Variants in COL10A1 observed in about 807,000 individuals in gnomAD.
The protein encoded by COL10A1 is collagen type X alpha 1 chain.
Under a neutral mutation model 18.2 loss-of-function variants are expected in COL10A1, and 10 were observed. That is an observed-to-expected ratio of 0.55 (90% CI 0.34 to 0.93). The LOEUF is 0.93. Ranked by LOEUF, COL10A1 falls within the 40% of genes least tolerant of loss-of-function variation. COL10A1 has a pLI of 0.02. For missense variants in COL10A1, 897 were observed against 853.5 expected (o/e 1.05, Z -0.64); for synonymous variants, 330 against 316.6 (o/e 1.04, Z -0.45).
At position 116,121,121 on chromosome 6, in the gene COL10A1, C is replaced by A. The variant is rs1301597846; in HGVS notation, c.995G>T (p.Gly332Val). 5 of 1,613,614 alleles carry A rather than the reference C, an allele frequency of 3.1e-6. 1 individual carries two copies. In the South Asian group the frequency reaches 5.5e-5, roughly 18 times the overall value. Reference sequence around the variant, plus strand: ...AGGGGGTCCAGTCAGACCTGGCTTCCCAGGAAGACCTGCTGGCCCTTGTTC... The same window carrying A: ...AGGGGGTCCAGTCAGACCTGGCTTCACAGGAAGACCTGCTGGCCCTTGTTC... ...KGEQGPAGLP[G>V]KPGLTGPPGN... The change falls in exon 3 of 3, where the codon GGG becomes GTG. Residue 332 changes from glycine (G) to valine (V), a missense_variant. Physicochemically the swap from Gly to Val is moderately radical, Grantham distance 109. Coordinates refer to ENST00000651968, the MANE Select transcript of COL10A1 (RefSeq NM_000493.4).
chr6:116,182,222 A>AGTGTGTGTGTGT, the COL10A1 span, among the ~76,000 whole-genome samples: 3,052 of 124,616 alleles, frequency 0.024, 107 homozygotes, highest in African/African-American at 0.083. Context: ...TTCCATGGAG[A>AGTGTGTGTGTGT]GTGTGTGTGT....
At chr6:116,151,536 A>G (rs1354724080) in intron 1 of COL10A1, among the ~76,000 whole-genome samples, 1 of 152,228 alleles carries the variant, frequency 6.6e-6, no homozygotes, top group Non-Finnish European at 1.5e-5. Context: ...ATTCGTTAAT[A>G]TAAGACTATT....
chr6:116,159,917 T>G (rs1190470270), upstream of COL10A1, among the ~76,000 whole-genome samples: 1 of 152,202 alleles, frequency 6.6e-6, no homozygotes, highest in Non-Finnish European at 1.5e-5. Context: ...CCTCCAGCTC[T>G]ATCCATGTTG....
the COL10A1 span, among the ~76,000 whole-genome samples, chr6:116,213,862 G>A: frequency 6.6e-6 from 1 of 151,940 alleles, no homozygotes; most frequent in African/African-American, 2.4e-5. Context: ...TTCTTATTGG[G>A]GATTTTGTGC....
chr6:116,137,751 A>G (rs976091115), intron 1 of COL10A1, among the ~76,000 whole-genome samples: 2 of 152,302 alleles, frequency 1.3e-5, no homozygotes, highest in South Asian at 4.2e-4. Flanking sequence ...TATATGGAAA[A>G]CCAGTTATCT....
the COL10A1 span, among the ~76,000 whole-genome samples, chr6:116,203,810 A>C: frequency 5.9e-5 from 9 of 151,942 alleles, no homozygotes; most frequent in Admixed American, 2.6e-4. Flanking sequence ...AATTTTTCAA[A>C]GTACTTGCAC....
chr6:116,134,971 A>G lies in COL10A1; in HGVS notation c.-15-9464T>C, dbSNP rs539882135. Among the ~76,000 whole-genome samples, 4 of 152,344 alleles carry G rather than the reference A, an allele frequency of 2.6e-5. No homozygotes were observed. The East Asian group carries it at 5.8e-4, about 22-fold the overall frequency. ...TTTAAATATCTCAGAAACCTGAACTATGAAGTTTCAGAGCAACAAATAACT... is the reference window on the plus strand; with the variant it reads ...TTTAAATATCTCAGAAACCTGAACTGTGAAGTTTCAGAGCAACAAATAACT... On this transcript the variant is annotated intron_variant, in intron 1 of 1. Coordinates refer to the COL10A1 transcript ENST00000418500.
At chr6:116,177,453 A>G in the COL10A1 span, among the ~76,000 whole-genome samples, 1 of 152,202 alleles carries the variant, frequency 6.6e-6, no homozygotes, top group Non-Finnish European at 1.5e-5. Flanking sequence ...CAAAATGGGT[A>G]AAAGTATATT....
At chr6:116,202,433 G>A in the COL10A1 span, among the ~76,000 whole-genome samples, 2 of 151,908 alleles carry the variant, frequency 1.3e-5, no homozygotes, top group African/African-American at 4.8e-5. Flanking sequence ...TTTTTTAGGG[G>A]AAACGAGGAA....
At chr6:116,175,879 T>C in the COL10A1 span, among the ~76,000 whole-genome samples, 2 of 152,220 alleles carry the variant, frequency 1.3e-5, no homozygotes, top group African/African-American at 2.4e-5. Flanking sequence ...TGTCTGATAA[T>C]TCCAATGTAT....
Position 116,119,483 on chromosome 6 carries a change from G to A in COL10A1, c.*590C>T, listed in dbSNP as rs1443596373. ...CTTTTTTATATAAGAGCTTTAACAA[G>A]TATATATGCACCTGTATATTTGAAT... On this transcript the variant is annotated 3_prime_UTR_variant, in exon 3 of 3. Transcript: ENST00000651968. 1 of 152,682 alleles carries A rather than the reference G, an allele frequency of 6.5e-6. No homozygotes were observed. Among genetic ancestry groups the A allele is most frequent in the Non-Finnish European group, 1.5e-5 (1 of 68,098 alleles). The allele number at this position is 152,682 out of a possible 1,614,324, so 9.5% of individuals were successfully genotyped here. A position where few individuals can be genotyped will look rare whatever the true frequency, so the allele number is the denominator to read the frequency against.
At chr6:116,175,007 T>C in the COL10A1 span, among the ~76,000 whole-genome samples, 2 of 152,296 alleles carry the variant, frequency 1.3e-5, no homozygotes, top group South Asian at 2.1e-4. Context: ...GTAAGGGATA[T>C]AGAATATTTC....
At chr6:116,146,941 T>C (rs908230180) in intron 1 of COL10A1, among the ~76,000 whole-genome samples, 47 of 150,386 alleles carry the variant, frequency 3.1e-4, no homozygotes, top group African/African-American at 1.1e-3. Context: ...AAAAATAAAT[T>C]ATAAAACTAC....
the COL10A1 span, among the ~76,000 whole-genome samples, chr6:116,184,715 T>C: frequency 6.6e-6 from 1 of 152,128 alleles, no homozygotes; most frequent in South Asian, 2.1e-4. Flanking sequence ...CATATTTATG[T>C]AGTATCAGTT....
chr6:116,205,669 T>G, the COL10A1 span, among the ~76,000 whole-genome samples: 1 of 152,036 alleles, frequency 6.6e-6, no homozygotes, highest in South Asian at 2.1e-4. Context: ...TTGTGTAGTT[T>G]CCGTCTTTAT....
At chr6:116,171,526 A>G in the COL10A1 span, among the ~76,000 whole-genome samples, 1 of 152,192 alleles carries the variant, frequency 6.6e-6, no homozygotes, top group Non-Finnish European at 1.5e-5. Flanking sequence ...ACTTGTTTAA[A>G]CCATATGTCA....
At chr6:116,127,590 A>G (rs1396943623), upstream of COL10A1, among the ~76,000 whole-genome samples, 2 of 152,184 alleles carry the variant, frequency 1.3e-5, no homozygotes, top group African/African-American at 4.8e-5. Flanking sequence ...AGTGAGAGAA[A>G]ACACCTGCCT....
the COL10A1 span, among the ~76,000 whole-genome samples, chr6:116,203,701 A>T: frequency 6.6e-6 from 1 of 151,904 alleles, no homozygotes; most frequent in Non-Finnish European, 1.5e-5. Flanking sequence ...TGTGATTTTC[A>T]TGCCTATTTA....
the COL10A1 span, among the ~76,000 whole-genome samples, chr6:116,180,745 T>C: frequency 6.6e-6 from 1 of 151,910 alleles, no homozygotes; most frequent in Non-Finnish European, 1.5e-5. Flanking sequence ...ATGAGGAAAG[T>C]GCTATGGGGG....
Sources: gnomAD v4.1 joint callset for allele counts (sites outside exome capture counted in the v4.1 genomes callset) on GRCh38, gnomAD v4.1.1 for gene constraint, MANE v1.5 for transcripts, NCBI Gene and HGNC (gene_info 2026-07-23, HGNC 2026-07-21) for gene names.